HERC1: variants seen among roughly 807,000 people sequenced by gnomAD.
HERC1 encodes the protein HECT and RLD domain containing E3 ubiquitin protein ligase family member 1.
A neutral mutation model predicts 554.3 loss-of-function variants in HERC1; 160 were observed. The ratio of observed to expected loss-of-function variants is 0.29; its 90% CI spans 0.25 to 0.33. The LOEUF is 0.33. HERC1 is among the 10% of genes least tolerant of loss of function. The probability of loss-of-function intolerance (pLI) is 1.00; values close to 1 mark genes in which losing one functional copy is unlikely to be tolerated. For missense variants in HERC1, 4,919 were observed against 5,918.5 expected (o/e 0.83, Z 5.54); for synonymous variants, 2,175 against 2,131.7 (o/e 1.02, Z -0.56).
intron 33 of HERC1, among the ~76,000 whole-genome samples, chr15:63,689,336 A>G (rs1168185238): frequency 6.6e-6 from 1 of 152,244 alleles, no homozygotes; most frequent in Non-Finnish European, 1.5e-5. Context: ...TCTTCTAAGA[A>G]GCTTAGTACT....
intron 44 of HERC1, among the ~76,000 whole-genome samples, chr15:63,662,422 T>C (rs1257009067): frequency 2.0e-5 from 3 of 152,226 alleles, no homozygotes; most frequent in South Asian, 2.1e-4. Flanking sequence ...CTTATTTATA[T>C]AGCAGATTCT....
At chr15:63,611,943 G>T (rs2067615997) in intron 77 of HERC1, among the ~76,000 whole-genome samples, 1 of 152,194 alleles carries the variant, frequency 6.6e-6, no homozygotes, top group Non-Finnish European at 1.5e-5. Flanking sequence ...CCAGCACTTT[G>T]GGAGGCCAAC....
In HERC1 at chr15:63,758,146, C is replaced by G; in HGVS notation, c.1221+29G>C. 1 of 1,513,404 alleles carries G rather than the reference C, an allele frequency of 6.6e-7. No individual in the cohort carries two copies. The allele number at this position is 1,513,404 out of a possible 1,614,324, so 93.7% of individuals were successfully genotyped here. ...GCATGAATATACACCAGATTATCTA[C>G]CAGTTTGTAAGCTATTTAGAAAACT... On this transcript the variant is annotated intron_variant, in intron 4 of 77. Coordinates refer to ENST00000443617, the MANE Select transcript of HERC1 (RefSeq NM_003922.4). This position sits in a 1 kb window ranked among gnomAD's most constrained non-coding sequence, Gnocchi z 4.0.
chr15:63,774,767 A>C lies in HERC1; in HGVS notation c.857T>G (p.Leu286Arg), dbSNP rs1448764707. The change falls in exon 2 of 78, where the codon CTA becomes CGA. Residue 286 changes from leucine (L) to arginine (R), a missense_variant. By Grantham distance (102) the Leu-to-Arg change is moderately radical. Around this residue, in one of 11 missense-constraint regions of HERC1, gnomAD observed 744 missense variants for 1,090.0 expected, o/e 0.68. Transcript: ENST00000443617. ...GATCATTCCTTCCTGGCTTGAGAGT[A>C]GTTTGCCTTTCTCCATGGTGTGTAC... ...AVVHTMEKGK[L>R]LSSQEGMISF... 1 of 1,613,990 alleles carries C rather than the reference A, an allele frequency of 6.2e-7. No homozygotes were observed. The highest frequency in any genetic ancestry group is 8.5e-7 in the Non-Finnish European group (1 of 1,179,872).
chr15:63,626,035 C>G lies in HERC1; in HGVS notation c.13225G>C (p.Asp4409His). 1 of 1,612,638 alleles carries G rather than the reference C, an allele frequency of 6.2e-7. No homozygotes were observed. ...ARLRLLYHFS[D>H]LMYSSWRLLN... ...AGTCTCCAGGATGAGTACATGAGGT[C>G]AGAGAAGTGGTAGAGCAGCCGGAGC... Residue 4409 changes from aspartate (D) to histidine (H), a missense_variant, in exon 71 of 78, where the codon GAC becomes CAC. This residue lies in a region of HERC1 where 410 missense variants were observed against 467.0 expected (regional missense o/e 0.88). Coordinates refer to ENST00000443617, the MANE Select transcript of HERC1 (RefSeq NM_003922.4).
intron 1 of HERC1, among the ~76,000 whole-genome samples, chr15:63,782,111 C>T (rs1385260115): frequency 6.6e-6 from 1 of 152,226 alleles, no homozygotes; most frequent in African/African-American, 2.4e-5. Flanking sequence ...GTAGAAGCTG[C>T]ACAAAGTTAT....
chr15:63,649,966 T>TAAAA, intron 53 of HERC1, 41 bp from the exon 54 acceptor site: 1 of 1,432,276 alleles, frequency 7.0e-7, no homozygotes, highest in Non-Finnish European at 9.5e-7. Context: ...ACTTAATTCT[T>TAAAA]AAAAAGAAAA....
Position 63,674,699 on chromosome 15 carries a change from C to T in HERC1, c.7489G>A (p.Asp2497Asn). The T allele has an allele frequency of 1.2e-6, 2 of 1,613,662 alleles. No individual in the cohort carries two copies. Among genetic ancestry groups the T allele is most frequent in the Non-Finnish European group, 1.7e-6 (2 of 1,179,728 alleles). Residue 2497 changes from aspartate to asparagine, a missense_variant, in exon 38 of 78, where the codon GAT (aspartate) becomes AAT (asparagine). Asp to Asn is a conservative substitution (Grantham distance 23). Coordinates refer to ENST00000443617, the MANE Select transcript of HERC1 (RefSeq NM_003922.4). ...KNHEHMSKNH[D>N]VAQSEIRAVQ... ...GCTCTGATTTCTGACTGGGCTACATCATGGTTTTTGGACATGTGTTCATGA... is the reference window on the plus strand; with the variant it reads ...GCTCTGATTTCTGACTGGGCTACATTATGGTTTTTGGACATGTGTTCATGA...
At chr15:63,630,836 C>T in intron 68 of HERC1, 1 of 489,768 alleles carries the variant, frequency 2.0e-6, no homozygotes, top group Non-Finnish European at 3.5e-6. Context: ...CTCTGCAAAA[C>T]ATCACAGGCT....
In HERC1 at chr15:63,664,218, A is replaced by G. The variant is rs147346469; in HGVS notation, c.8680+252T>C. Among the ~76,000 whole-genome samples, 1,259 of 152,318 alleles carry G rather than the reference A, an allele frequency of 8.3e-3. 24 individuals carry two copies. Among genetic ancestry groups the G allele is most frequent in the African/African-American group, 0.029 (1,208 of 41,556 alleles). ...GAGCAGAAGGAAGAGCATTTATATA[A>G]TTTCTCAAAATCTACAAGTGGCCAG... On this transcript the variant is annotated intron_variant, in intron 43 of 77. Transcript: ENST00000443617.
chr15:63,737,530 T>TATATATATCTTTTTTCCAG (rs2141220215), intron 12 of HERC1, among the ~76,000 whole-genome samples: 1 of 119,056 alleles, frequency 8.4e-6, no homozygotes, highest in East Asian at 2.2e-4. Context: ...TATATATATA[T>TATATATATCTTTTTTCCAG]ATATATATAT....
chr15:63,833,743 A>ACGCGCGCGCGCGCGCG (rs145148725), intron 1 of HERC1, 84 bp downstream of exon 1: 2 of 66,270 alleles, frequency 3.0e-5, no homozygotes, highest in African/African-American at 9.2e-5. Flanking sequence ...CAAAGCACAC[A>ACGCGCGCGCGCGCGCG]CGCGCGCGCG....
intron 55 of HERC1, 91 bp from the exon 56 acceptor site, chr15:63,645,773 A>T: frequency 1.4e-6 from 1 of 738,636 alleles, no homozygotes; most frequent in South Asian, 2.2e-5. Context: ...ATTTCTTAGC[A>T]TCTATATTTC....
At chr15:63,719,537 A>G (rs938148758) in intron 19 of HERC1, among the ~76,000 whole-genome samples, 16 of 152,282 alleles carry the variant, frequency 1.1e-4, no homozygotes, top group African/African-American at 3.9e-4. Context: ...ACAGAGATAC[A>G]ACATGATCTG....
intron 22 of HERC1, among the ~76,000 whole-genome samples, chr15:63,714,713 A>G (rs1392252232): frequency 6.6e-6 from 1 of 151,424 alleles, no homozygotes; most frequent in Non-Finnish European, 1.5e-5. Flanking sequence ...CACACCGGCT[A>G]ATTTTTTGTA....
chr15:63,622,722 T>G, intron 74 of HERC1, 93 bp downstream of exon 74: 1 of 940,106 alleles, frequency 1.1e-6, no homozygotes, highest in South Asian at 1.7e-5. Flanking sequence ...TGTAAAGCAC[T>G]TAAAACAGGA....
chr15:63,630,573 C>G lies in HERC1; in HGVS notation c.12859G>C (p.Val4287Leu), dbSNP rs1374597803. 6.2e-7 allele frequency: 1 copy of G among 1,614,066 alleles called. No individual in the cohort carries two copies. Among genetic ancestry groups the G allele is most frequent in the East Asian group, 2.2e-5 (1 of 44,896 alleles). ...TCTTCTATGATTACTCCAGCCAGGA[C>G]AGGGATTTGTTGCGGTCGATTGTGA... The part of the protein sequence containing the change: ...RNHNRPQQIP[V>L]LAGVIIEDVA... Residue 4287 changes from valine to leucine, a missense_variant, in exon 69 of 78, where the codon GTC becomes CTC. This residue lies in a region of HERC1 where 410 missense variants were observed against 467.0 expected (regional missense o/e 0.88). Transcript: ENST00000443617.
chr15:63,623,663 GA>G (rs2068182558), intron 73 of HERC1, 61 bp downstream of exon 73: 1 of 1,509,258 alleles, frequency 6.6e-7, no homozygotes, highest in African/African-American at 1.4e-5. Flanking sequence ...GTGATCACTG[GA>G]AACAGCAAAA....
In HERC1 at chr15:63,747,224, C is replaced by T. The variant is rs560312056; in HGVS notation, c.2355-141G>A. The T allele has an allele frequency of 6.3e-5, 42 of 670,026 alleles. No individual in the cohort carries two copies. The African/African-American group carries it at 6.7e-4, about 11-fold the overall frequency. The allele number at this position is 670,026 out of a possible 1,614,324, so 41.5% of individuals were successfully genotyped here. ...CCTGTAATCCCAGCACTTTGGGAGG[C>T]GGAGGTGGGTGGATCACCTGAAGTC... On this transcript the variant is annotated intron_variant, in intron 11 of 77. Coordinates refer to ENST00000443617, the MANE Select transcript of HERC1 (RefSeq NM_003922.4).
Sources: allele counts gnomAD v4.1 joint callset (sites outside exome capture counted in the v4.1 genomes callset), GRCh38; gene constraint gnomAD v4.1.1; regional missense constraint gnomAD v4.1.1; non-coding constraint Gnocchi (gnomAD v3.1); transcripts MANE v1.5; gene names NCBI Gene and HGNC (gene_info 2026-07-23, HGNC 2026-07-21).